CLSPN: variants seen among roughly 807,000 people sequenced by gnomAD.
CLSPN encodes the protein claspin homolog.
CLSPN carries 85 observed loss-of-function variants against 156.3 expected under a neutral mutation model. That is an observed-to-expected ratio of 0.54 (90% CI 0.46 to 0.65). CLSPN has a LOEUF of 0.65. CLSPN is among the 30% of genes least tolerant of loss of function. CLSPN has a pLI of 0.00. For missense variants in CLSPN, 1,407 were observed against 1,554.9 expected (o/e 0.90, Z 1.60); for synonymous variants, 534 against 542.4 (o/e 0.98, Z 0.22).
At chr1:35,742,919 T>C (rs556114148) in intron 18 of CLSPN, among the ~76,000 whole-genome samples, 21 of 152,148 alleles carry the variant, frequency 1.4e-4, no homozygotes, top group South Asian at 4.2e-4. Context: ...GGCTAATTTT[T>C]ATATTTTTTA....
At chr1:35,762,778 G>A (rs766702627) in intron 4 of CLSPN, among the ~76,000 whole-genome samples, 1 of 151,934 alleles carries the variant, frequency 6.6e-6, no homozygotes, top group South Asian at 2.1e-4. Context: ...CCAAACACTC[G>A]GGACAACAAT....
intron 10 of CLSPN, among the ~76,000 whole-genome samples, chr1:35,750,872 C>A (rs1199468493): frequency 6.6e-6 from 1 of 151,854 alleles, no homozygotes; most frequent in East Asian, 1.9e-4. Flanking sequence ...CTCAATCTAG[C>A]CAAGGTTAGG....
At chr1:35,745,608 T>C in intron 15 of CLSPN, 46 bp from the exon 16 acceptor site, 1 of 1,330,340 alleles carries the variant, frequency 7.5e-7, no homozygotes, top group South Asian at 1.2e-5. Flanking sequence ...AATGATAGCT[T>C]TATACTCTTT....
intron 13 of CLSPN, 105 bp downstream of exon 13, chr1:35,748,300 A>C: frequency 8.9e-7 from 1 of 1,117,364 alleles, no homozygotes; most frequent in South Asian, 1.3e-5. Context: ...GAACACACAT[A>C]AGCTCAGTAC....
chr1:35,723,226 CCAGGAACTTAAGTGGCAAGGACA>C, intron 24 of CLSPN, among the ~76,000 whole-genome samples: 1 of 152,306 alleles, frequency 6.6e-6, no homozygotes, highest in East Asian at 1.9e-4. Flanking sequence ...CACATATATG[CCAGGAACTTAAGTGGCAAGGACA>C]CAGAAACCTC....
chr1:35,743,705 C>T (rs571910496), intron 16 of CLSPN, 175 bp from the exon 17 acceptor site: 3 of 584,850 alleles, frequency 5.1e-6, no homozygotes, highest in South Asian at 2.1e-5. Context: ...CTCACTGTAA[C>T]CTCCACCTCC....
intron 8 of CLSPN, among the ~76,000 whole-genome samples, chr1:35,757,837 A>G (rs1018819466): frequency 3.9e-5 from 6 of 152,150 alleles, no homozygotes; most frequent in African/African-American, 1.4e-4. Context: ...CATCTTCCCA[A>G]TACGCACCAC....
At chr1:35,736,704 A>G in intron 24 of CLSPN, 98 bp from the exon 25 acceptor site, 2 of 1,472,046 alleles carry the variant, frequency 1.4e-6, no homozygotes, top group Non-Finnish European at 1.8e-6. Context: ...TGGATGATTA[A>G]CAACAGAAAA....
chr1:35,753,606 A>G, intron 9 of CLSPN, 139 bp downstream of exon 9: 1 of 752,296 alleles, frequency 1.3e-6, no homozygotes, highest in East Asian at 2.6e-5. Flanking sequence ...CTACACGTGA[A>G]TCATGCCAGA....
intron 8 of CLSPN, among the ~76,000 whole-genome samples, chr1:35,760,083 T>C (rs1026645317): frequency 2.0e-5 from 3 of 152,160 alleles, no homozygotes. Flanking sequence ...CTGCCCGCCT[T>C]GGCCTCCCAA....
intron 1 of CLSPN, among the ~76,000 whole-genome samples, chr1:35,769,038 T>C (rs1243460913): frequency 1.3e-5 from 2 of 152,224 alleles, no homozygotes; most frequent in Non-Finnish European, 2.9e-5. Flanking sequence ...GGTGAGGTGA[T>C]TGAGGCAAGG....
intron 1 of CLSPN, among the ~76,000 whole-genome samples, chr1:35,769,290 C>T (rs986080523): frequency 2.0e-5 from 3 of 152,220 alleles, no homozygotes; most frequent in Non-Finnish European, 4.4e-5. Flanking sequence ...CCAATTTCGC[C>T]AGGGAGCTGC....
At chr1:35,727,426 C>CTCTG (rs112683588), downstream of CLSPN, among the ~76,000 whole-genome samples, 2,203 of 152,306 alleles carry the variant, frequency 0.014, 44 homozygotes, top group African/African-American at 0.05. Flanking sequence ...GCAAGGTGCT[C>CTCTG]TCTGAGGCAA....
At position 35,761,148 on chromosome 1, in the gene CLSPN, A is replaced by G. The variant is rs777555637; in HGVS notation, c.952T>C (p.Phe318Leu). 1 of 1,614,026 alleles carries G rather than the reference A, an allele frequency of 6.2e-7. No homozygotes were observed. Among genetic ancestry groups the G allele is most frequent in the Admixed American group, 1.7e-5 (1 of 60,022 alleles). Reference sequence around the variant, plus strand: ...CAAGTGGGCCGGGGTTTACGTTTGAAGAAATCATGAATGGTTTTATTCTCA... The same window carrying G: ...CAAGTGGGCCGGGGTTTACGTTTGAGGAAATCATGAATGGTTTTATTCTCA... ...MPENKTIHDFFKRKPRPTCHG... is the reference protein window; with the variant it reads ...MPENKTIHDFLKRKPRPTCHG... Residue 318 changes from phenylalanine to leucine, a missense_variant, in exon 7 of 25, where the codon TTC becomes CTC. Around this residue, in one of 3 missense-constraint regions of CLSPN, gnomAD observed 1,096 missense variants for 1,193.0 expected, o/e 0.92. Transcript: ENST00000318121.
At chr1:35,759,877 A>G (rs867787981) in intron 8 of CLSPN, among the ~76,000 whole-genome samples, 27 of 128,528 alleles carry the variant, frequency 2.1e-4, no homozygotes, top group African/African-American at 8.2e-4. Context: ...TCTCTCACCC[A>G]GGCTGGAGTG....
At chr1:35,726,152 CAAAAAAAA>C (rs3041363) in intron 24 of CLSPN, among the ~76,000 whole-genome samples, 7 of 48,204 alleles carry the variant, frequency 1.5e-4, no homozygotes, top group South Asian at 1.1e-3. Flanking sequence ...CAGATGCAGA[CAAAAAAAA>C]AAAAAAAAAA....
At chr1:35,742,743 CTTTTT>C (rs563818822) in intron 18 of CLSPN, among the ~76,000 whole-genome samples, 13,065 of 130,398 alleles carry the variant, frequency 0.1, 886 homozygotes, top group African/African-American at 0.22. Context: ...AAGTGATCAA[CTTTTT>C]TTTTTTTTTT....
chr1:35,739,090 T>G (rs376717196), intron 20 of CLSPN, 46 bp downstream of exon 20: 1 of 1,611,428 alleles, frequency 6.2e-7, no homozygotes, highest in Non-Finnish European at 8.5e-7. Context: ...TGAGCCACCA[T>G]GCTCAGCCCG....
chr1:35,739,156 T>G lies in CLSPN; in HGVS notation c.3410A>C (p.Lys1137Thr). The G allele has an allele frequency of 6.2e-7, 1 of 1,614,180 alleles. No individual in the cohort carries two copies. Among genetic ancestry groups the G allele is most frequent in the Non-Finnish European group, 8.5e-7 (1 of 1,180,026 alleles). ...GATACCTATGTTTTTCCATCGAAAC[T>G]TCCTCATTCGCCCAGGACCATCGCT... ...LHSDGPGRMR[K>T]FRWKNIDDAS... The change falls in exon 20 of 25, where the codon AAG (lysine) becomes ACG (threonine). Residue 1137 changes from lysine to threonine, a missense_variant. Physicochemically the swap from Lys to Thr is moderately conservative, Grantham distance 78. Coordinates refer to ENST00000318121, the MANE Select transcript of CLSPN (RefSeq NM_022111.4).
Sources: allele counts gnomAD v4.1 joint callset (sites outside exome capture counted in the v4.1 genomes callset), GRCh38; gene constraint gnomAD v4.1.1; regional missense constraint gnomAD v4.1.1; transcripts MANE v1.5; gene names NCBI Gene and HGNC (gene_info 2026-07-23, HGNC 2026-07-21).